The following IRX4 variants were observed in gnomAD, a reference collection of about 807,000 sequenced individuals.
IRX4 encodes iroquois homeobox 4.
Under a neutral mutation model 32.0 loss-of-function variants are expected in IRX4, and 22 were observed. That is an observed-to-expected ratio of 0.69 (90% confidence interval 0.49 to 0.98). The LOEUF (loss-of-function observed/expected upper bound fraction) is 0.98. Ranked by LOEUF, IRX4 falls within the 50% of genes least tolerant of loss-of-function variation. IRX4 has a pLI of 0.00. For synonymous variants in IRX4, 379 were observed against 351.7 expected (o/e 1.08, Z -0.87); for missense variants, 840 against 744.2 (o/e 1.13, Z -1.50).
intron 1 of IRX4, 68 bp downstream of exon 1, chr5:1,882,535 C>A (rs1349873055): frequency 5.9e-6 from 8 of 1,351,942 alleles, no homozygotes; most frequent in Non-Finnish European, 4.1e-6. Flanking sequence ...CACTCCCCAC[C>A]CCCCGTCCCC....
Position 1,877,892 on chromosome 5 carries a change from C to T in IRX4, c.*77G>A. On this transcript the variant is annotated 3_prime_UTR_variant, in exon 5 of 5. Transcript: ENST00000231357. The stretch of plus-strand genomic sequence containing the variant: ...CTTCGCGGTGGCCGCGCTAGTCTTC[C>T]TCTGGAAACTCAGTGAAAAGAGTCG... The T allele has an allele frequency of 1.5e-6, 2 of 1,338,476 alleles. No homozygotes were observed. Among genetic ancestry groups the T allele is most frequent in the Middle Eastern group, 5.1e-4 (2 of 3,910 alleles). 82.9% of individuals were successfully genotyped at this position (1,338,476 alleles called of 1,614,324 possible).
chr5:1,877,865 G>A lies in IRX4; in HGVS notation c.*104C>T, dbSNP rs1370176996. 2.0e-5 allele frequency: 22 copies of A among 1,099,376 alleles called. No homozygotes were observed. The East Asian group carries it at 5.8e-4, about 29-fold the overall frequency. 68.1% of individuals were successfully genotyped at this position (1,099,376 alleles called of 1,614,324 possible). On this transcript the variant is annotated 3_prime_UTR_variant, in exon 5 of 5. Transcript: ENST00000231357. ...GAAGCCCCCTCTCCGGTGGGTTGGC[G>A]GCTTCGCGGTGGCCGCGCTAGTCTT...
chr5:1,882,508 G>A (rs1735487185), intron 1 of IRX4, 95 bp downstream of exon 1: 1 of 1,085,704 alleles, frequency 9.2e-7, no homozygotes, highest in South Asian at 1.4e-5. Context: ...GGAAGCCGCA[G>A]GCAGTCGTAG....
rs1735307804 is a variant in IRX4 at position 1,878,675 on chromosome 5, C to A, written c.854G>T (p.Gly285Val). The A allele has an allele frequency of 6.3e-7, 1 of 1,593,016 alleles. No homozygotes were observed. Among genetic ancestry groups the A allele is most frequent in the Non-Finnish European group, 8.5e-7 (1 of 1,170,436 alleles). ...GGGCGCGGCGGGGACGCGCTCCAGA[C>A]CGCCGTCCAGGGAGTGGAAGGGCGG... ...LKPPFHSLDG[G>V]LERVPAAPDG... Residue 285 changes from glycine (G) to valine (V), a missense_variant, in exon 5 of 5, where the codon GGT becomes GTT. Gly to Val is a moderately radical substitution (Grantham distance 109, BLOSUM62 -3). This residue lies in a region of IRX4 where 585 missense variants were observed against 488.0 expected (regional missense o/e 1.20). Transcript: ENST00000231357.
intron 3 of IRX4, among the ~76,000 whole-genome samples, chr5:1,880,300 G>A (rs1396415258): frequency 1.3e-5 from 2 of 152,232 alleles, no homozygotes; most frequent in Non-Finnish European, 1.5e-5. Flanking sequence ...AGGAAAGTGG[G>A]GCATCCTGTC....
At chr5:1,885,842 G>C (rs961043141), upstream of IRX4, among the ~76,000 whole-genome samples, 4 of 152,258 alleles carry the variant, frequency 2.6e-5, no homozygotes, top group African/African-American at 7.2e-5. Flanking sequence ...CCAACGATAG[G>C]ACGCTCAGCA....
rs571715947 is a variant in IRX4, at chr5:1,880,940, G to A, written c.298-106C>T. The A allele has an allele frequency of 1.3e-4, 110 of 857,228 alleles. 2 individuals are homozygous for A. In the South Asian group the frequency reaches 1.4e-3, roughly 11 times the overall value. 53.1% of individuals were successfully genotyped at this position (857,228 alleles called of 1,614,324 possible). A position where few individuals can be genotyped will look rare whatever the true frequency, so the allele number is the denominator to read the frequency against. ...CCAAAGGCTTGGCAAGGATTCCTGG[G>A]CAGCCCTACGCCCCGGCAGGAAGGA... is the stretch of plus-strand genomic sequence containing the variant. On this transcript the variant is annotated intron_variant, in intron 2 of 4. Transcript: ENST00000231357.
At chr5:1,881,350 A>G in intron 2 of IRX4, among the ~76,000 whole-genome samples, 1 of 66,780 alleles carries the variant, frequency 1.5e-5, no homozygotes, top group Non-Finnish European at 2.8e-5. Context: ...GGGAGGAGCA[A>G]GGAGGGGGAG....
Position 1,878,214 on chromosome 5 carries a change from C to T in IRX4, c.1315G>A (p.Val439Met), listed in dbSNP as rs529889078. Residue 439 changes from valine (V) to methionine (M), a missense_variant, in exon 5 of 5, where the codon GTG becomes ATG. This residue lies in a region of IRX4 where 585 missense variants were observed against 488.0 expected (regional missense o/e 1.20). Transcript: ENST00000231357. ...ATGGGGTCGTGGAAGACCCCGTCCA[C>T]CCAGTTTCTGAGACTGGTTACCGGG... is the stretch of plus-strand genomic sequence containing the variant. ...DSPVTSLRNW[V>M]DGVFHDPILR... 3 of 1,602,712 alleles carry T rather than the reference C, an allele frequency of 1.9e-6. No individual in the cohort carries two copies. Among genetic ancestry groups the T allele is most frequent in the African/African-American group, 1.3e-5 (1 of 74,922 alleles).
Position 1,882,747 on chromosome 5 carries a change from G to T in IRX4, c.-100C>A. 2 of 710,538 alleles carry T rather than the reference G, an allele frequency of 2.8e-6. No homozygotes were observed. The highest frequency in any genetic ancestry group is 4.2e-6 in the Non-Finnish European group (2 of 479,956). 44.0% of individuals were successfully genotyped at this position (710,538 alleles called of 1,614,324 possible). A position where few individuals can be genotyped will look rare whatever the true frequency, so the allele number is the denominator to read the frequency against. ...GCTCCGGAGCTGCAGGCTTCTAGGC[G>T]CTGGGAGGGCGAAGCAGGAGAGCCG... On this transcript the variant is annotated 5_prime_UTR_variant, in exon 1 of 5. Transcript: ENST00000231357.
chr5:1,879,675 C>T lies in IRX4; in HGVS notation c.565G>A (p.Val189Ile), dbSNP rs749970866. The change falls in exon 4 of 5, where the codon GTC (valine) becomes ATC (isoleucine). Residue 189 changes from valine (V) to isoleucine (I), a missense_variant. By Grantham distance (29) the Val-to-Ile change is conservative. Transcript: ENST00000231357. Reference sequence around the variant, plus strand: ...CGCGCGTTGGCGAACCAGGTGGAGACCTGTGTGAGGGTCATCTTGGTGATG... The same window carrying T: ...CGCGCGTTGGCGAACCAGGTGGAGATCTGTGTGAGGGTCATCTTGGTGATG... ...AIITKMTLTQ[V>I]STWFANARRR... 23 of 1,614,108 alleles carry T rather than the reference C, an allele frequency of 1.4e-5. No homozygotes were observed. The African/African-American group carries it at 2.7e-4, about 19-fold the overall frequency.
rs759662653 is a variant in IRX4 at position 1,879,520 on chromosome 5, CTT to C, written c.718_719del (p.Lys240GlufsTer18). 2 of 1,613,266 alleles carry C rather than the reference CTT, an allele frequency of 1.2e-6. No homozygotes were observed. Among genetic ancestry groups the C allele is most frequent in the South Asian group, 2.2e-5 (2 of 91,086 alleles). ...GEEEAREEPL[K>X]SSKNAEPVGK... ...CCAACCCACCTGCGTTCTTGGAGCT[CTT>C]GAGGGGCTCCTCCCGCGCCTCCTCC... On this transcript the variant is annotated frameshift_variant, in exon 4 of 5. Coordinates refer to ENST00000231357, the MANE Select transcript of IRX4 (RefSeq NM_016358.3). LOFTEE classifies it low-confidence loss of function (END_TRUNC).
In IRX4 at chr5:1,879,542, TCCTCCTCGCCCC is replaced by T. The variant is rs752567003; in HGVS notation, c.686_697del (p.Gly229_Glu232del). On this transcript the variant is annotated inframe_deletion, in exon 4 of 5. Transcript: ENST00000231357. ...GCTCTTGAGGGGCTCCTCCCGCGCC[TCCTCCTCGCCCC>T]CCTCCTCCTCCTCGCCCTCCGCGTA... 9.2e-5 allele frequency: 148 copies of T among 1,613,380 alleles called. No homozygotes were observed. In the African/African-American group the frequency reaches 1.9e-3, roughly 20 times the overall value.
At chr5:1,881,766 G>A (rs939012100) in intron 2 of IRX4, 42 bp downstream of exon 2, 164 of 1,559,130 alleles carry the variant, frequency 1.1e-4, no homozygotes, top group Non-Finnish European at 1.3e-4. Flanking sequence ...TTGGCAAATC[G>A]AGGGCCAGGG....
chr5:1,882,384 A>G (rs1735482139), intron 1 of IRX4, among the ~76,000 whole-genome samples: 1 of 152,090 alleles, frequency 6.6e-6, no homozygotes, highest in African/African-American at 2.4e-5. Flanking sequence ...TGGTTCAAAC[A>G]TCAGGGAACC....
At position 1,878,194 on chromosome 5, in the gene IRX4, G is replaced by T; in HGVS notation, c.1335C>A (p.Asp445Glu). 1 of 1,596,678 alleles carries T rather than the reference G, an allele frequency of 6.3e-7. No individual in the cohort carries two copies. ...LRNWVDGVFH[D>E]PILRHSTLNQ... ...TCAAAGTGCTGTGCCTGAGGATGGG[G>T]TCGTGGAAGACCCCGTCCACCCAGT... is the stretch of plus-strand genomic sequence containing the variant. The change falls in exon 5 of 5, where the codon GAC becomes GAA. Residue 445 changes from aspartate (D) to glutamate (E), a missense_variant. Coordinates refer to ENST00000231357, the MANE Select transcript of IRX4 (RefSeq NM_016358.3).
intron 2 of IRX4, 78 bp from the exon 3 acceptor site, chr5:1,880,912 C>G: frequency 2.8e-6 from 3 of 1,078,614 alleles, no homozygotes; most frequent in Non-Finnish European, 2.9e-6. Context: ...GAGCCCCCCA[C>G]TCCCAAAGGC....
At chr5:1,879,140 C>T (rs564267054) in intron 4 of IRX4, among the ~76,000 whole-genome samples, 30 of 152,142 alleles carry the variant, frequency 2.0e-4, no homozygotes, top group East Asian at 7.7e-4. Flanking sequence ...TACAGGCGCC[C>T]GCCACCACGC....
intron 3 of IRX4, 81 bp from the exon 4 acceptor site, chr5:1,879,913 G>C: frequency 3.2e-6 from 5 of 1,580,682 alleles, no homozygotes; most frequent in Non-Finnish European, 4.3e-6. Context: ...GGGTCGGCCA[G>C]GGGCATGCCA....
Sources: allele counts gnomAD v4.1 joint callset (sites outside exome capture counted in the v4.1 genomes callset), GRCh38; gene constraint gnomAD v4.1.1; regional missense constraint gnomAD v4.1.1; transcripts MANE v1.5; gene names NCBI Gene and HGNC (gene_info 2026-07-23, HGNC 2026-07-21).